RFX3: variants seen among roughly 807,000 people sequenced by gnomAD.
RFX3 encodes transcription factor RFX3.
In RFX3, 14 loss-of-function variants were observed where a neutral mutation model predicts 98.6. The observed-to-expected ratio is 0.14, with a 90% CI of 0.09 to 0.22. RFX3 has a LOEUF of 0.22. Ranked by LOEUF, RFX3 falls within the 10% of genes least tolerant of loss-of-function variation. The pLI, the probability that RFX3 is intolerant of heterozygous loss-of-function variation, is 1.00. For synonymous variants in RFX3, 383 were observed against 328.4 expected (o/e 1.17, Z -1.80); for missense variants, 639 against 926.9 (o/e 0.69, Z 4.03).
Position 3,257,070 on chromosome 9 carries a change from G to C in RFX3, c.1735C>G (p.Gln579Glu), listed in dbSNP as rs934783563. The change falls in exon 14 of 17, where the codon CAA (glutamine) becomes GAA (glutamate). Residue 579 changes from glutamine (Q) to glutamate (E), a missense_variant. By Grantham distance (29) the Gln-to-Glu change is conservative. This residue lies in a region of RFX3 where 138 missense variants were observed against 308.9 expected (regional missense o/e 0.45). Coordinates refer to ENST00000617270, the MANE Select transcript of RFX3 (RefSeq NM_001282116.2). ...WAAWLDNVMM[Q>E]ALKPYEGRPS... ...CTTCCTTCATAGGGTTTCAGTGCTT[G>C]CATCATCACATTGTCAAGCCACGCA... is the stretch of plus-strand genomic sequence containing the variant. 5.0e-6 allele frequency: 8 copies of C among 1,613,900 alleles called. No individual in the cohort carries two copies. The highest frequency in any genetic ancestry group is 3.3e-5 in the Admixed American group (2 of 59,978).
At chr9:3,319,663 TA>T (rs1831027883) in intron 4 of RFX3, among the ~76,000 whole-genome samples, 2 of 152,174 alleles carry the variant, frequency 1.3e-5, no homozygotes, top group East Asian at 3.8e-4. Flanking sequence ...GGCAAGAAAG[TA>T]GTTGAAACTA....
chr9:3,257,398 G>A (rs1309607591), intron 13 of RFX3, among the ~76,000 whole-genome samples, 199 bp from the exon 14 acceptor site: 3 of 152,058 alleles, frequency 2.0e-5, no homozygotes, highest in South Asian at 2.1e-4. Context: ...AGTATTTCTC[G>A]TTGCTCACTC....
chr9:3,487,730 G>A (rs973794795), intron 1 of RFX3, among the ~76,000 whole-genome samples: 17 of 152,032 alleles, frequency 1.1e-4, no homozygotes, highest in Admixed American at 2.6e-4. Flanking sequence ...AGACAAAAAT[G>A]GACCTGCTCT....
At chr9:3,522,922 C>G (rs1367919144) in intron 1 of RFX3, among the ~76,000 whole-genome samples, 2 of 151,998 alleles carry the variant, frequency 1.3e-5, no homozygotes, top group African/African-American at 2.4e-5. Context: ...AGCTTATAAA[C>G]TATAACCTTT....
chr9:3,363,786 CA>C, intron 2 of RFX3, among the ~76,000 whole-genome samples: 1 of 152,340 alleles, frequency 6.6e-6, no homozygotes, highest in African/African-American at 2.4e-5. Flanking sequence ...ATTCCTCCCA[CA>C]ATACCAGTGT....
At position 3,225,154 on chromosome 9, in the gene RFX3, T is replaced by C; in HGVS notation, c.2138A>G (p.Glu713Gly). The C allele has an allele frequency of 6.2e-7, 1 of 1,613,970 alleles. No individual in the cohort carries two copies. The highest frequency in any genetic ancestry group is 8.5e-7 in the Non-Finnish European group (1 of 1,179,936). The stretch of plus-strand genomic sequence containing the variant: ...CAGGAGGCTTGGTTGCACGCCAGTC[T>C]CGAGAACAGGCTGCATGCAGCCCAC... ...FPVGCMQPVL[E>G]TGVQPSLLNP... The change falls in exon 17 of 17, where the codon GAG (glutamate) becomes GGG (glycine). Residue 713 changes from glutamate (E) to glycine (G), a missense_variant. By Grantham distance (98) the Glu-to-Gly change is moderately conservative (BLOSUM62 -2). Transcript: ENST00000617270.
chr9:3,274,147 A>T (rs1824895402), intron 9 of RFX3, among the ~76,000 whole-genome samples: 1 of 152,204 alleles, frequency 6.6e-6, no homozygotes, highest in African/African-American at 2.4e-5. Flanking sequence ...CTTCTGGCAC[A>T]TGTTGTGTTA....
chr9:3,396,439 A>G (rs1052571628), intron 1 of RFX3, among the ~76,000 whole-genome samples: 2 of 152,086 alleles, frequency 1.3e-5, no homozygotes, highest in African/African-American at 2.4e-5. Context: ...CCAGTCTATC[A>G]TTGTTGGACA....
chr9:3,346,565 T>A lies in RFX3; in HGVS notation c.215+102A>T, dbSNP rs998641235. 1.3e-5 allele frequency: 10 copies of A among 751,568 alleles called. No homozygotes were observed. In the African/African-American group the frequency reaches 1.5e-4, roughly 12 times the overall value. The allele number at this position is 751,568 out of a possible 1,614,324, so 46.6% of individuals were successfully genotyped here. ...AATAACTGTTCTAGTAGAAAATTAC[T>A]TTGAAAACAAGGAAACAATCTGGGA... On this transcript the variant is annotated intron_variant, in intron 3 of 16. Coordinates refer to ENST00000617270, the MANE Select transcript of RFX3 (RefSeq NM_001282116.2).
intron 1 of RFX3, among the ~76,000 whole-genome samples, chr9:3,400,630 G>C (rs1335843668): frequency 2.0e-5 from 3 of 152,114 alleles, no homozygotes; most frequent in Non-Finnish European, 4.4e-5. Flanking sequence ...ACTATCTTCA[G>C]CCTTGACAGA....
intron 2 of RFX3, among the ~76,000 whole-genome samples, chr9:3,372,632 C>A (rs960556729): frequency 7.9e-5 from 12 of 150,970 alleles, no homozygotes; most frequent in African/African-American, 2.9e-4. Flanking sequence ...ACTGCAACCT[C>A]TGCCCCCCAG....
At chr9:3,436,261 T>A (rs1401208800) in intron 1 of RFX3, among the ~76,000 whole-genome samples, 2 of 152,076 alleles carry the variant, frequency 1.3e-5, no homozygotes, top group Non-Finnish European at 2.9e-5. Context: ...ATTTCCATTT[T>A]CAGATAGGCT....
chr9:3,419,420 A>G (rs1190631703), intron 1 of RFX3, among the ~76,000 whole-genome samples: 1 of 152,226 alleles, frequency 6.6e-6, no homozygotes, highest in African/African-American at 2.4e-5. Context: ...TAAGTATCTT[A>G]AAAATACCAT....
chr9:3,264,954 G>C (rs1242384496), intron 12 of RFX3, among the ~76,000 whole-genome samples: 1 of 152,186 alleles, frequency 6.6e-6, no homozygotes, highest in Non-Finnish European at 1.5e-5. Flanking sequence ...TGTTACAAAT[G>C]TGACTGACTG....
chr9:3,247,698 T>C (rs1563796262), intron 15 of RFX3: 2 of 1,500,660 alleles, frequency 1.3e-6, no homozygotes, highest in Non-Finnish European at 1.8e-6. Flanking sequence ...CCCAGCCCTT[T>C]GCTTTATCAG....
chr9:3,483,275 A>G (rs1172220802), intron 1 of RFX3, among the ~76,000 whole-genome samples: 2 of 152,164 alleles, frequency 1.3e-5, no homozygotes, highest in African/African-American at 4.8e-5. Context: ...TTCTAATGCC[A>G]TTTTGGCCCA....
At chr9:3,482,218 TGA>T (rs1338837384) in intron 1 of RFX3, among the ~76,000 whole-genome samples, 2 of 149,752 alleles carry the variant, frequency 1.3e-5, no homozygotes. Flanking sequence ...GTTCAAAATA[TGA>T]GTGTGAAAGT....
chr9:3,385,550 G>C (rs1022852001), intron 2 of RFX3, among the ~76,000 whole-genome samples: 2 of 151,560 alleles, frequency 1.3e-5, no homozygotes, highest in Non-Finnish European at 2.9e-5. Context: ...TCTACTAAAA[G>C]TACAAAATTT....
At chr9:3,341,618 A>G (rs1440493990) in intron 3 of RFX3, among the ~76,000 whole-genome samples, 1 of 152,120 alleles carries the variant, frequency 6.6e-6, no homozygotes. Flanking sequence ...TTAAATGCCA[A>G]TTTTATTTAA....
Sources: gnomAD v4.1 joint callset for allele counts (sites outside exome capture counted in the v4.1 genomes callset) on GRCh38, gnomAD v4.1.1 for gene constraint, gnomAD v4.1.1 regional missense constraint, MANE v1.5 for transcripts, NCBI Gene and HGNC (gene_info 2026-07-23, HGNC 2026-07-21) for gene names.